PAPPA2: variants seen among roughly 807,000 people sequenced by gnomAD.
The protein encoded by PAPPA2 is pappalysin 2, also known as pappalysin-2.
Under a neutral mutation model 176.4 loss-of-function variants are expected in PAPPA2, and 86 were observed. The ratio of observed to expected loss-of-function variants is 0.49; its 90% CI spans 0.41 to 0.58. PAPPA2 has a LOEUF of 0.58. PAPPA2 is among the 20% of genes least tolerant of loss of function. PAPPA2 has a pLI of 0.00. For missense variants in PAPPA2, 2,073 were observed against 2,256.9 expected, an observed-to-expected ratio of 0.92 and a Z score of 1.65; for synonymous variants, 809 against 852.2, an observed-to-expected ratio of 0.95 and a Z score of 0.88.
rs201934326 is a variant in PAPPA2, at chr1:176,777,112, T to C, written c.4715+5932T>C. Among the ~76,000 whole-genome samples the C allele has an allele frequency of 3.3e-5, 5 of 152,164 alleles. No homozygotes were observed. In the East Asian group the frequency reaches 5.8e-4, roughly 18 times the overall value. The stretch of plus-strand genomic sequence containing the variant: ...AAAATAAAGGGAAATAATTGAGTGA[T>C]TTCTAGCTCCAAACGTTTCTATTTT... On this transcript the variant is annotated intron_variant, in intron 17 of 22. Transcript: ENST00000367662.
At chr1:176,695,132 A>T (rs1401263066) in intron 6 of PAPPA2, among the ~76,000 whole-genome samples, 1 of 152,218 alleles carries the variant, frequency 6.6e-6, no homozygotes, top group East Asian at 1.9e-4. Context: ...TTGCGCTGGA[A>T]ATATAAATCT....
intron 12 of PAPPA2, among the ~76,000 whole-genome samples, chr1:176,736,484 A>AATAT (rs3039072): frequency 0.22 from 32,769 of 146,502 alleles, 4,296 homozygotes; most frequent in African/African-American, 0.36. Context: ...TATATGTAAA[A>AATAT]ATATATATTT....
intron 14 of PAPPA2, among the ~76,000 whole-genome samples, chr1:176,754,015 C>CTT: frequency 7.4e-6 from 1 of 134,598 alleles, no homozygotes; most frequent in Non-Finnish European, 1.6e-5. Flanking sequence ...GCCTTTTCAA[C>CTT]TGTTTTTTTT....
At chr1:176,504,508 G>A (rs995029913) in intron 1 of PAPPA2, among the ~76,000 whole-genome samples, 4 of 151,580 alleles carry the variant, frequency 2.6e-5, no homozygotes, top group South Asian at 2.1e-4. Context: ...TCACTTTTTC[G>A]TCTTGCTAAT....
intron 4 of PAPPA2, among the ~76,000 whole-genome samples, chr1:176,677,857 T>C (rs768868681): frequency 9.2e-5 from 14 of 152,144 alleles, no homozygotes; most frequent in Non-Finnish European, 1.6e-4. Flanking sequence ...GGCAATGCCA[T>C]AGATAGAATA....
At chr1:176,769,516 C>A in intron 15 of PAPPA2, 91 bp from the exon 16 acceptor site, 1 of 1,346,642 alleles carries the variant, frequency 7.4e-7, no homozygotes, top group Admixed American at 2.1e-5. Context: ...AATGTTTAGA[C>A]AGATAATCAC....
chr1:176,636,482 A>G (rs1476338823), intron 3 of PAPPA2, among the ~76,000 whole-genome samples: 1 of 152,182 alleles, frequency 6.6e-6, no homozygotes, highest in Admixed American at 6.5e-5. Context: ...AACACTGGAC[A>G]AATGAATTTG....
At position 176,690,310 on chromosome 1, in the gene PAPPA2, T is replaced by G. The variant is rs781297686; in HGVS notation, c.2311T>G (p.Cys771Gly). 5 of 1,614,144 alleles carry G rather than the reference T, an allele frequency of 3.1e-6. No homozygotes were observed. Among genetic ancestry groups the G allele is most frequent in the Non-Finnish European group, 4.2e-6 (5 of 1,180,008 alleles). The change falls in exon 5 of 23, where the codon TGT becomes GGT. Residue 771 changes from cysteine (C) to glycine (G), a missense_variant. By Grantham distance (159) the Cys-to-Gly change is radical (BLOSUM62 -3). This residue lies in a region of PAPPA2 where 1,196 missense variants were observed against 1,330.4 expected (regional missense o/e 0.90). Coordinates refer to ENST00000367662, the MANE Select transcript of PAPPA2 (RefSeq NM_020318.3). ...TVPSMETGDL[C>G]ADTAPTPKSE... ...GCCATCCATGGAAACGGGAGACCTC[T>G]GTGCCGACACCGCCCCCACTCCCAA... is the stretch of plus-strand genomic sequence containing the variant.
chr1:176,716,230 T>C (rs1661362300), intron 12 of PAPPA2, among the ~76,000 whole-genome samples: 1 of 140,012 alleles, frequency 7.1e-6, no homozygotes, highest in Non-Finnish European at 1.5e-5. Flanking sequence ...TTAACCTCTT[T>C]CTTTTTTTTT....
chr1:176,745,123 A>G lies in PAPPA2; in HGVS notation c.4151+4927A>G, dbSNP rs560630768. Reference sequence around the variant, plus strand: ...TTGGTTCCAAATCCACCCTCATCACATGTATTGTAATAGTAGAGCTGGATT... The same window carrying G: ...TTGGTTCCAAATCCACCCTCATCACGTGTATTGTAATAGTAGAGCTGGATT... On this transcript the variant is annotated intron_variant, in intron 14 of 22. Transcript: ENST00000367662. 1.4e-4 allele frequency among the ~76,000 whole-genome samples: 21 copies of G among 152,086 alleles called. 1 individual carries two copies. Among genetic ancestry groups the G allele is most frequent in the Admixed American group, 9.8e-4 (15 of 15,264 alleles).
At chr1:176,807,207 C>T (rs996355528) in intron 21 of PAPPA2, among the ~76,000 whole-genome samples, 1 of 152,154 alleles carries the variant, frequency 6.6e-6, no homozygotes, top group Non-Finnish European at 1.5e-5. Flanking sequence ...TTACTCAAAG[C>T]ACAAGGATAC....
intron 3 of PAPPA2, among the ~76,000 whole-genome samples, chr1:176,636,504 A>AGATG (rs1656707549): frequency 6.6e-6 from 1 of 152,170 alleles, no homozygotes; most frequent in South Asian, 2.1e-4. Context: ...CATGGCTTGC[A>AGATG]GATGGAAGTT....
intron 6 of PAPPA2, among the ~76,000 whole-genome samples, chr1:176,693,634 T>C (rs1319131984): frequency 2.6e-5 from 4 of 152,210 alleles, no homozygotes; most frequent in African/African-American, 9.7e-5. Flanking sequence ...TTTCAGCCTC[T>C]TGGGATTTTG....
In PAPPA2 at chr1:176,536,773, A is replaced by C. The variant is rs537091282; in HGVS notation, c.-916-18634A>C. 1.1e-3 allele frequency among the ~76,000 whole-genome samples: 171 copies of C among 152,332 alleles called. 2 individuals carry two copies. The highest frequency in any genetic ancestry group is 3.8e-3 in the African/African-American group (160 of 41,584). ...CTAACATCCCACTGACCAAGCCCAGAGTCCGAGTGGGAGGGCATAGCAAAG... is the reference window on the plus strand; with the variant it reads ...CTAACATCCCACTGACCAAGCCCAGCGTCCGAGTGGGAGGGCATAGCAAAG... On this transcript the variant is annotated intron_variant, in intron 1 of 22. Coordinates refer to ENST00000367662, the MANE Select transcript of PAPPA2 (RefSeq NM_020318.3).
chr1:176,568,670 G>A (rs149563036), intron 2 of PAPPA2, among the ~76,000 whole-genome samples: 1 of 152,136 alleles, frequency 6.6e-6, no homozygotes. Flanking sequence ...AGGAGTTCCT[G>A]TCTCACATCA....
chr1:176,656,062 G>T (rs1394154714), intron 3 of PAPPA2, among the ~76,000 whole-genome samples: 10 of 151,484 alleles, frequency 6.6e-5, no homozygotes, highest in Admixed American at 2.0e-4. Flanking sequence ...TTCAGAAATA[G>T]ATTTCTGAAT....
At position 176,595,168 on chromosome 1, in the gene PAPPA2, GAGA is replaced by G; in HGVS notation, c.1567_1569del (p.Lys523del). On this transcript the variant is annotated inframe_deletion, in exon 3 of 23. Coordinates refer to ENST00000367662, the MANE Select transcript of PAPPA2 (RefSeq NM_020318.3). Reference sequence around the variant, plus strand: ...CAATGGATACTGGCCCCTTCGGGGAGAGAAGGTGATACGCTACCAGGTGGTGAA... The same window carrying G: ...CAATGGATACTGGCCCCTTCGGGGAGAGGTGATACGCTACCAGGTGGTGAA... The G allele has an allele frequency of 1.2e-6, 2 of 1,614,230 alleles. No individual in the cohort carries two copies. Among genetic ancestry groups the G allele is most frequent in the Non-Finnish European group, 8.5e-7 (1 of 1,180,048 alleles).
chr1:176,749,558 G>C (rs906814895), intron 14 of PAPPA2, among the ~76,000 whole-genome samples: 5 of 152,152 alleles, frequency 3.3e-5, no homozygotes, highest in Non-Finnish European at 7.3e-5. Context: ...ATCACACACA[G>C]CATTGTCACT....
At chr1:176,764,574 A>G (rs981321456) in intron 14 of PAPPA2, among the ~76,000 whole-genome samples, 12 of 148,780 alleles carry the variant, frequency 8.1e-5, no homozygotes, top group Admixed American at 5.3e-4. Context: ...AGAGGGTGAC[A>G]CTCATTTTGC....
Sources: gnomAD v4.1 joint callset for allele counts (sites outside exome capture counted in the v4.1 genomes callset) on GRCh38, gnomAD v4.1.1 for gene constraint, gnomAD v4.1.1 regional missense constraint, MANE v1.5 for transcripts, NCBI Gene and HGNC (gene_info 2026-07-23, HGNC 2026-07-21) for gene names.